Variants in SH2D4A observed in about 807,000 individuals in gnomAD.
SH2D4A encodes SH2 domain containing 4A.
In SH2D4A, 70 loss-of-function variants were observed where a neutral mutation model predicts 64.7. The observed-to-expected ratio is 1.08, with a 90% confidence interval of 0.89 to 1.32. SH2D4A has a LOEUF of 1.32. Ranked by LOEUF, SH2D4A falls within the 40% of genes most tolerant of loss-of-function variation. The probability of loss-of-function intolerance (pLI) is 0.00; values close to 1 mark genes in which losing one functional copy is unlikely to be tolerated. For missense variants in SH2D4A, 706 were observed against 540.1 expected, an observed-to-expected ratio of 1.31 and a Z score of -3.04; for synonymous variants, 268 against 200.7, an observed-to-expected ratio of 1.34 and a Z score of -2.83.
chr8:19,353,693 T>C (rs1004545364), intron 4 of SH2D4A, among the ~76,000 whole-genome samples: 1 of 148,892 alleles, frequency 6.7e-6, no homozygotes, highest in Non-Finnish European at 1.5e-5. Context: ...TTTTTTTTTT[T>C]TTAATAAAGG....
At chr8:19,368,071 C>G (rs1193921618) in intron 7 of SH2D4A, among the ~76,000 whole-genome samples, 1 of 152,104 alleles carries the variant, frequency 6.6e-6, no homozygotes, top group Non-Finnish European at 1.5e-5. Flanking sequence ...CATTCTTATA[C>G]ATGTCACTAT....
intron 1 of SH2D4A, among the ~76,000 whole-genome samples, chr8:19,318,004 C>T (rs558601479): frequency 2.6e-5 from 4 of 152,142 alleles, no homozygotes; most frequent in South Asian, 4.2e-4. Flanking sequence ...TAGGTTCAAG[C>T]GATCTCCTGT....
chr8:19,335,493 A>T (rs528091122), intron 4 of SH2D4A, among the ~76,000 whole-genome samples: 3 of 152,308 alleles, frequency 2.0e-5, no homozygotes, highest in African/African-American at 7.2e-5. Context: ...GAGGTTGGCA[A>T]ACATTTTCTG....
At chr8:19,333,239 C>A (rs1381055766) in intron 3 of SH2D4A, 125 bp downstream of exon 3, 2 of 1,028,744 alleles carry the variant, frequency 1.9e-6, no homozygotes, top group African/African-American at 3.3e-5. Context: ...TCACAAAAGT[C>A]ACTTTGGATC....
chr8:19,362,030 T>C (rs1371956073), intron 6 of SH2D4A, among the ~76,000 whole-genome samples: 1 of 152,112 alleles, frequency 6.6e-6, no homozygotes, highest in African/African-American at 2.4e-5. Flanking sequence ...AGAATTAGGT[T>C]TGTGAAAGAA....
At chr8:19,366,218 T>G (rs1197619051) in intron 7 of SH2D4A, among the ~76,000 whole-genome samples, 1 of 152,178 alleles carries the variant, frequency 6.6e-6, no homozygotes, top group Non-Finnish European at 1.5e-5. Flanking sequence ...TGTGATGTTT[T>G]GATACATATA....
chr8:19,393,174 A>G (rs1266934613), intron 8 of SH2D4A, 144 bp from the exon 9 acceptor site: 2 of 697,976 alleles, frequency 2.9e-6, no homozygotes, highest in East Asian at 2.7e-5. Flanking sequence ...CCGTATTCCT[A>G]AGAAGCCCAA....
chr8:19,330,371 A>G (rs1019887997), intron 2 of SH2D4A, among the ~76,000 whole-genome samples: 7 of 151,870 alleles, frequency 4.6e-5, no homozygotes, highest in African/African-American at 1.7e-4. Flanking sequence ...TGTCAGTGCC[A>G]CTCTGTCAAG....
intron 8 of SH2D4A, among the ~76,000 whole-genome samples, chr8:19,388,432 G>C (rs1419494808): frequency 6.6e-6 from 1 of 152,172 alleles, no homozygotes. Flanking sequence ...GGGCTCTGAG[G>C]TCAGCCAGCC....
Position 19,361,315 on chromosome 8 carries a change from G to T in SH2D4A, c.706+1G>T, listed in dbSNP as rs145746072. The T allele has an allele frequency of 6.2e-7, 1 of 1,608,584 alleles. No individual in the cohort carries two copies. The highest frequency in any genetic ancestry group is 1.1e-5 in the South Asian group (1 of 89,522). On this transcript the variant is annotated splice_donor_variant, in intron 6 of 9. Transcript: ENST00000265807. LOFTEE classifies it high-confidence loss of function. ...GAAGACTCGGAATGGCAGGCATCTCGTGAGTACCCAGAGGTCTCCATAGCA... is the reference window on the plus strand; with the variant it reads ...GAAGACTCGGAATGGCAGGCATCTCTTGAGTACCCAGAGGTCTCCATAGCA...
chr8:19,328,091 A>G (rs967401925), intron 2 of SH2D4A, among the ~76,000 whole-genome samples: 7 of 152,086 alleles, frequency 4.6e-5, no homozygotes, highest in Admixed American at 2.0e-4. Context: ...TTTATTGTCA[A>G]TCAGGACTCT....
At chr8:19,327,431 G>A (rs564572812) in intron 2 of SH2D4A, among the ~76,000 whole-genome samples, 42 of 152,304 alleles carry the variant, frequency 2.8e-4, no homozygotes, top group African/African-American at 1.0e-3. Flanking sequence ...TCCCTGAAAT[G>A]TACCTTAAGA....
chr8:19,393,010 G>A (rs565935049), intron 8 of SH2D4A, among the ~76,000 whole-genome samples: 162 of 152,170 alleles, frequency 1.1e-3, no homozygotes, highest in Non-Finnish European at 2.0e-3. Context: ...CAAAGTGCTG[G>A]GATTACAGGC....
At chr8:19,337,399 G>T (rs1382449886) in intron 4 of SH2D4A, among the ~76,000 whole-genome samples, 2 of 152,120 alleles carry the variant, frequency 1.3e-5, no homozygotes, top group Non-Finnish European at 2.9e-5. Context: ...TGTCCACCTA[G>T]AACCTCAGAA....
At chr8:19,322,556 G>A (rs1041731330) in intron 2 of SH2D4A, among the ~76,000 whole-genome samples, 1 of 151,194 alleles carries the variant, frequency 6.6e-6, no homozygotes, top group African/African-American at 2.4e-5. Context: ...CTTAGTGTTT[G>A]GGGATCATCA....
chr8:19,370,286 TTTAA>T (rs1036973886), intron 7 of SH2D4A, among the ~76,000 whole-genome samples: 1 of 152,008 alleles, frequency 6.6e-6, no homozygotes. Flanking sequence ...TAGAGTGTGG[TTTAA>T]TTGTTGATTT....
In SH2D4A at chr8:19,389,458, G is replaced by C. The variant is rs371329442; in HGVS notation, c.1049-3860G>C. Among the ~76,000 whole-genome samples the C allele has an allele frequency of 9.9e-5, 15 of 152,230 alleles. No individual in the cohort carries two copies. In the East Asian group the frequency reaches 2.3e-3, roughly 24 times the overall value. ...GGCAATATTTTCATTATCACACACA[G>C]AGAGGAGTGGGACCTCCTCCAGCTG... On this transcript the variant is annotated intron_variant, in intron 8 of 9. Transcript: ENST00000265807.
chr8:19,379,163 A>C (rs2053248489), intron 8 of SH2D4A, among the ~76,000 whole-genome samples: 1 of 152,016 alleles, frequency 6.6e-6, no homozygotes, highest in African/African-American at 2.4e-5. Context: ...CTACCCATTT[A>C]ATAATGCTCC....
chr8:19,333,989 G>A (rs1330024889), intron 3 of SH2D4A, among the ~76,000 whole-genome samples: 1 of 152,152 alleles, frequency 6.6e-6, no homozygotes, highest in Admixed American at 6.5e-5. Context: ...CTTATTCTCT[G>A]GACGGTGAGG....
Sources: gnomAD v4.1 joint callset for allele counts (sites outside exome capture counted in the v4.1 genomes callset) on GRCh38, gnomAD v4.1.1 for gene constraint, MANE v1.5 for transcripts, NCBI Gene and HGNC (gene_info 2026-07-23, HGNC 2026-07-21) for gene names.